Variants in ZNF239 observed in about 807,000 individuals in gnomAD.
The protein encoded by ZNF239 is zinc finger protein 239, also known as zinc finger protein (C2H2) homologous to mouse MOK-2.
ZNF239 carries 16 observed loss-of-function variants against 27.5 expected under a neutral mutation model. The ratio of observed to expected loss-of-function variants is 0.58; its 90% CI spans 0.39 to 0.88. The LOEUF (loss-of-function observed/expected upper bound fraction) is 0.88. Among genes scored for constraint, ZNF239 ranks in the 40% least tolerant of loss-of-function variants. The pLI is 0.00. For synonymous variants in ZNF239, 199 were observed against 192.6 expected (o/e 1.03, Z -0.27); for missense variants, 527 against 551.9 (o/e 0.95, Z 0.45).
chr10:43,559,099 C>T (rs1257387111), intron 3 of ZNF239, among the ~76,000 whole-genome samples: 5 of 152,014 alleles, frequency 3.3e-5, no homozygotes, highest in Non-Finnish European at 7.4e-5. Flanking sequence ...AAACTACAAG[C>T]GGCTTCTTAC....
intron 3 of ZNF239, among the ~76,000 whole-genome samples, chr10:43,565,463 A>C (rs1010332295): frequency 6.6e-6 from 1 of 152,096 alleles, no homozygotes; most frequent in African/African-American, 2.4e-5. Context: ...TTCATACTTA[A>C]TTTTTCTACA....
At chr10:43,564,374 T>A (rs1837488534) in intron 3 of ZNF239, 1 of 685,284 alleles carries the variant, frequency 1.5e-6, no homozygotes, top group Admixed American at 6.3e-5. Context: ...TGAAAAACGA[T>A]GGCAACAATC....
At chr10:43,571,543 G>C (rs1838037512) in intron 2 of ZNF239, among the ~76,000 whole-genome samples, 1 of 151,948 alleles carries the variant, frequency 6.6e-6, no homozygotes, top group Admixed American at 6.6e-5. Flanking sequence ...GATTCTGAAG[G>C]ATAGGGGCTA....
At chr10:43,568,879 G>A (rs373152049) in intron 2 of ZNF239, among the ~76,000 whole-genome samples, 5 of 152,188 alleles carry the variant, frequency 3.3e-5, no homozygotes, top group East Asian at 1.9e-4. Context: ...GTGAAACCTC[G>A]TCTCTACTGA....
intron 1 of ZNF239, among the ~76,000 whole-genome samples, 200 bp downstream of exon 1, chr10:43,574,340 C>T (rs1282094418): frequency 6.6e-6 from 1 of 152,176 alleles, no homozygotes; most frequent in African/African-American, 2.4e-5. Context: ...CGCAGCCCGG[C>T]CCCGGGGGCG....
intron 3 of ZNF239, 63 bp from the exon 4 acceptor site, chr10:43,558,234 A>C (rs1453430290): frequency 1.4e-6 from 2 of 1,411,924 alleles, no homozygotes; most frequent in African/African-American, 1.4e-5. Flanking sequence ...TCAGAGTGAG[A>C]GTGCCTAAGG....
chr10:43,558,955 G>A (rs1050791001), intron 3 of ZNF239, among the ~76,000 whole-genome samples: 5 of 152,068 alleles, frequency 3.3e-5, no homozygotes, highest in East Asian at 3.8e-4. Flanking sequence ...AACCAGCCAC[G>A]AAAGCACAGC....
chr10:43,567,381 GA>G (rs1217498074), intron 3 of ZNF239, among the ~76,000 whole-genome samples: 3 of 152,094 alleles, frequency 2.0e-5, no homozygotes, highest in Non-Finnish European at 4.4e-5. Context: ...GGAGTACAGA[GA>G]AGCAAGTGAC....
chr10:43,557,188 T>C lies in ZNF239; in HGVS notation c.892A>G (p.Lys298Glu). The C allele has an allele frequency of 6.2e-7, 1 of 1,614,130 alleles. No homozygotes were observed. Among genetic ancestry groups the C allele is most frequent in the Non-Finnish European group, 8.5e-7 (1 of 1,180,014 alleles). The change falls in exon 4 of 4, where the codon AAG becomes GAG. Residue 298 changes from lysine (K) to glutamate (E), a missense_variant. Transcript: ENST00000374446. ...AGTTTGGAGCTCTGACTAAAGCCCT[T>C]CCCACACTTGTCACATTTATAAGGT... Reference protein sequence around the residue: ...EKPYKCDKCGKGFSQSSKLHI... With the variant: ...EKPYKCDKCGEGFSQSSKLHI...
chr10:43,557,671 T>G lies in ZNF239; in HGVS notation c.409A>C (p.Thr137Pro). The change falls in exon 4 of 4, where the codon ACT becomes CCT. Residue 137 changes from threonine to proline, a missense_variant. Coordinates refer to ENST00000374446, the MANE Select transcript of ZNF239 (RefSeq NM_001099282.2). ...TCTTTTAACTGGCCATTCTGGCAAGTTGCCTCACCATTTAACAATGGCGAG... is the reference window on the plus strand; with the variant it reads ...TCTTTTAACTGGCCATTCTGGCAAGGTGCCTCACCATTTAACAATGGCGAG... Reference protein sequence around the residue: ...LASPLLNGEATCQNGQLKESL... With the variant: ...LASPLLNGEAPCQNGQLKESL... The G allele has an allele frequency of 6.2e-7, 1 of 1,614,208 alleles. No homozygotes were observed. The highest frequency in any genetic ancestry group is 1.3e-5 in the African/African-American group (1 of 75,070).
chr10:43,558,794 A>T (rs918875810), intron 3 of ZNF239, among the ~76,000 whole-genome samples: 3 of 152,222 alleles, frequency 2.0e-5, no homozygotes, highest in African/African-American at 7.2e-5. Flanking sequence ...TTCTGCTTTC[A>T]TAGGTGTGGG....
chr10:43,557,583 C>T lies in ZNF239; in HGVS notation c.497G>A (p.Ser166Asn). Residue 166 changes from serine to asparagine, a missense_variant, in exon 4 of 4, where the codon AGT (serine) becomes AAT (asparagine). Ser to Asn is a conservative substitution (Grantham distance 46, BLOSUM62 1). Coordinates refer to ENST00000374446, the MANE Select transcript of ZNF239 (RefSeq NM_001099282.2). ...TGTATGAGCTCTCTGCTGACTACAACTGACCACCTGTGATTTCCATCCATG... is the reference window on the plus strand; with the variant it reads ...TGTATGAGCTCTCTGCTGACTACAATTGACCACCTGTGATTTCCATCCATG... Reference protein sequence around the residue: ...DIHGWKSQVVSCSQQRAHTEE... With the variant: ...DIHGWKSQVVNCSQQRAHTEE... 2 of 1,614,188 alleles carry T rather than the reference C, an allele frequency of 1.2e-6. No individual in the cohort carries two copies. The highest frequency in any genetic ancestry group is 1.7e-6 in the Non-Finnish European group (2 of 1,180,038).
intron 3 of ZNF239, among the ~76,000 whole-genome samples, chr10:43,564,783 C>T (rs1444470656): frequency 1.3e-5 from 2 of 152,156 alleles, no homozygotes; most frequent in African/African-American, 2.4e-5. Context: ...CCTGCTTCTG[C>T]CTCCCAAAGT....
At chr10:43,573,698 A>G in intron 1 of ZNF239, 21 bp from the exon 2 acceptor site, 2 of 980,546 alleles carry the variant, frequency 2.0e-6, no homozygotes, top group Non-Finnish European at 2.4e-6. Context: ...AGAGTTAGGG[A>G]AAGAGAAAAA....
chr10:43,568,241 T>C (rs1200862296), intron 2 of ZNF239: 1 of 985,354 alleles, frequency 1.0e-6, no homozygotes, highest in Non-Finnish European at 1.2e-6. Flanking sequence ...CCACAACATA[T>C]CTACGCTCAA....
Position 43,557,670 on chromosome 10 carries a change from G to A in ZNF239, c.410C>T (p.Thr137Ile), listed in dbSNP as rs777300769. The part of the protein sequence containing the change: ...LASPLLNGEA[T>I]CQNGQLKESL... ...TTCTTTTAACTGGCCATTCTGGCAA[G>A]TTGCCTCACCATTTAACAATGGCGA... Residue 137 changes from threonine to isoleucine, a missense_variant, in exon 4 of 4, where the codon ACT becomes ATT. Physicochemically the swap from Thr to Ile is moderately conservative, Grantham distance 89. Transcript: ENST00000374446. 6.2e-7 allele frequency: 1 copy of A among 1,614,146 alleles called. No individual in the cohort carries two copies. Among genetic ancestry groups the A allele is most frequent in the Non-Finnish European group, 8.5e-7 (1 of 1,180,030 alleles).
rs996775305 is a variant in ZNF239, at chr10:43,568,223, C to T, written c.-215-202G>A. ...TGGCTACTTCCATCCAAATCATTTC[C>T]CTCCTGCCCACAACATATCTACGCT... On this transcript the variant is annotated intron_variant, in intron 2 of 3. Transcript: ENST00000374446. The T allele has an allele frequency of 1.5e-5, 15 of 985,310 alleles. No homozygotes were observed. In the African/African-American group the frequency reaches 2.6e-4, roughly 17 times the overall value. 61.0% of individuals were successfully genotyped at this position (985,310 alleles called of 1,614,324 possible). A position where few individuals can be genotyped will look rare whatever the true frequency, so the allele number is the denominator to read the frequency against.
chr10:43,567,697 A>G (rs1837774574), intron 3 of ZNF239, among the ~76,000 whole-genome samples: 1 of 152,226 alleles, frequency 6.6e-6, no homozygotes, highest in African/African-American at 2.4e-5. Flanking sequence ...TTGTGCAGAA[A>G]GCAAAATCAG....
At chr10:43,569,942 G>A (rs1351135511) in intron 2 of ZNF239, among the ~76,000 whole-genome samples, 1 of 152,160 alleles carries the variant, frequency 6.6e-6, no homozygotes, top group African/African-American at 2.4e-5. Flanking sequence ...CTGTGGTGAA[G>A]AACCAGTTTT....
Sources: gnomAD v4.1 joint callset for allele counts (sites outside exome capture counted in the v4.1 genomes callset) on GRCh38, gnomAD v4.1.1 for gene constraint, MANE v1.5 for transcripts, NCBI Gene and HGNC (gene_info 2026-07-23, HGNC 2026-07-21) for gene names.